Variants in NAALADL2 observed in about 807,000 individuals in gnomAD.
NAALADL2 encodes the protein inactive N-acetylated-alpha-linked acidic dipeptidase-like protein 2.
NAALADL2 carries 76 observed loss-of-function variants against 87.2 expected under a neutral mutation model. That is an observed-to-expected ratio of 0.87 (90% CI 0.72 to 1.05). The LOEUF (loss-of-function observed/expected upper bound fraction) is 1.05, where lower values mean the gene tolerates loss of function less well. NAALADL2 is among the 50% of genes least tolerant of loss of function. The pLI is 0.00. For synonymous variants in NAALADL2, 354 were observed against 331.0 expected (o/e 1.07, Z -0.75); for missense variants, 1,089 against 945.8 (o/e 1.15, Z -1.99).
chr3:175,025,459 C>T (rs1414506905), intron 1 of NAALADL2, among the ~76,000 whole-genome samples: 1 of 151,966 alleles, frequency 6.6e-6, no homozygotes, highest in African/African-American at 2.4e-5. Context: ...ATTTCCTTAT[C>T]AATGAAAGTT....
chr3:174,617,043 T>C (rs965554413), intron 2 of NAALADL2, among the ~76,000 whole-genome samples: 1 of 151,758 alleles, frequency 6.6e-6, no homozygotes, highest in African/African-American at 2.4e-5. Flanking sequence ...AATTTTTAAT[T>C]CACTTAGTTA....
At chr3:175,561,769 T>C (rs1172679944) in intron 9 of NAALADL2, among the ~76,000 whole-genome samples, 1 of 152,198 alleles carries the variant, frequency 6.6e-6, no homozygotes, top group East Asian at 1.9e-4. Context: ...AATACAGTCA[T>C]TTTGGGAATT....
At position 174,683,638 on chromosome 3, in the gene NAALADL2, GTGT is replaced by G. The variant is rs1347708579; in HGVS notation, c.-114-54002_-114-54000del. 4.8e-3 allele frequency among the ~76,000 whole-genome samples: 479 copies of G among 100,304 alleles called. 3 individuals carry two copies. Among genetic ancestry groups the G allele is most frequent in the African/African-American group, 0.04 (462 of 11,674 alleles). 65.8% of individuals were successfully genotyped at this position (100,304 alleles called of 152,430 possible). A position where few individuals can be genotyped will look rare whatever the true frequency, so the allele number is the denominator to read the frequency against. On this transcript the variant is annotated intron_variant, in intron 2 of 3. Transcript: ENST00000434257. ...AATTAACAGAACTTCTGGTGTGTGT[GTGT>G]GTGTGTGTGTGTGTGTGTGTGTGTG...
At chr3:175,216,668 C>CTTTTTTTT (rs3067029) in intron 2 of NAALADL2, among the ~76,000 whole-genome samples, 921 of 87,150 alleles carry the variant, frequency 0.011, 6 homozygotes, top group African/African-American at 0.022. Context: ...TTTTTCTTTT[C>CTTTTTTTT]TTTTTTTTTT....
chr3:175,345,483 G>A (rs1444335788), intron 5 of NAALADL2, among the ~76,000 whole-genome samples: 1 of 152,136 alleles, frequency 6.6e-6, no homozygotes, highest in East Asian at 1.9e-4. Flanking sequence ...CTTAGAGAAT[G>A]AGCGTGTGAT....
chr3:175,765,725 C>T (rs1748599212), intron 13 of NAALADL2, among the ~76,000 whole-genome samples: 1 of 152,022 alleles, frequency 6.6e-6, no homozygotes, highest in Admixed American at 6.6e-5. Flanking sequence ...CTTGATGATG[C>T]ATTGAATAAT....
intron 2 of NAALADL2, among the ~76,000 whole-genome samples, chr3:174,678,652 G>A (rs1343137642): frequency 1.3e-5 from 2 of 152,126 alleles, no homozygotes; most frequent in African/African-American, 2.4e-5. Flanking sequence ...TGTATGATAA[G>A]CCTGTGAAAA....
intron 1 of NAALADL2, among the ~76,000 whole-genome samples, chr3:174,500,681 A>G (rs1718823674): frequency 6.6e-6 from 1 of 152,018 alleles, no homozygotes; most frequent in African/African-American, 2.4e-5. Context: ...TCGTGAATGG[A>G]TATGGGATTT....
At chr3:174,855,298 AT>A (rs1342320980), upstream of NAALADL2, among the ~76,000 whole-genome samples, 1 of 152,068 alleles carries the variant, frequency 6.6e-6, no homozygotes, top group Non-Finnish European at 1.5e-5. Flanking sequence ...CGATAGGAAA[AT>A]TTTGGCTTCG....
At chr3:175,660,165 C>T (rs1427741560) in intron 11 of NAALADL2, among the ~76,000 whole-genome samples, 1 of 152,120 alleles carries the variant, frequency 6.6e-6, no homozygotes, top group African/African-American at 2.4e-5. Flanking sequence ...ACCCTCATGA[C>T]TCAATCACTT....
At chr3:174,849,500 G>C (rs1414749566) in intron 3 of NAALADL2, among the ~76,000 whole-genome samples, 1 of 151,982 alleles carries the variant, frequency 6.6e-6, no homozygotes, top group Non-Finnish European at 1.5e-5. Context: ...ACTTTGGGGG[G>C]CCGAGGCGGG....
At chr3:175,184,363 A>G (rs1054631144) in intron 2 of NAALADL2, among the ~76,000 whole-genome samples, 10 of 152,142 alleles carry the variant, frequency 6.6e-5, no homozygotes, top group African/African-American at 2.4e-4. Context: ...ACTAAGTTAA[A>G]TCTACAGATA....
At chr3:175,491,989 G>C (rs1471066728) in intron 9 of NAALADL2, among the ~76,000 whole-genome samples, 1 of 152,152 alleles carries the variant, frequency 6.6e-6, no homozygotes, top group Non-Finnish European at 1.5e-5. Flanking sequence ...CCATTGCTTA[G>C]AATGGGTCCA....
chr3:174,680,734 C>T (rs1345980620), intron 2 of NAALADL2, among the ~76,000 whole-genome samples: 1 of 152,108 alleles, frequency 6.6e-6, no homozygotes. Flanking sequence ...CTTAAAATTA[C>T]ATAGTGACAT....
chr3:174,675,484 G>A (rs2108812490), intron 2 of NAALADL2, among the ~76,000 whole-genome samples: 1 of 152,052 alleles, frequency 6.6e-6, no homozygotes, highest in East Asian at 1.9e-4. Context: ...TGGCAACATA[G>A]GCTTTGCTGC....
At chr3:174,836,250 T>C (rs1339283352) in intron 3 of NAALADL2, among the ~76,000 whole-genome samples, 3 of 152,188 alleles carry the variant, frequency 2.0e-5, no homozygotes, top group African/African-American at 7.2e-5. Context: ...ATAGCCACTG[T>C]ATGATTCCAC....
At chr3:174,624,623 CAAA>C (rs35352173) in intron 2 of NAALADL2, among the ~76,000 whole-genome samples, 6 of 140,000 alleles carry the variant, frequency 4.3e-5, no homozygotes, top group Non-Finnish European at 6.3e-5. Flanking sequence ...GACTCCATCT[CAAA>C]AAAAAAAAAA....
intron 1 of NAALADL2, among the ~76,000 whole-genome samples, chr3:175,028,248 A>G (rs1752433431): frequency 6.6e-6 from 1 of 152,064 alleles, no homozygotes; most frequent in African/African-American, 2.4e-5. Flanking sequence ...TTGCTCTGAA[A>G]CATGTACCCT....
chr3:174,788,013 A>G (rs1717015602), intron 3 of NAALADL2, among the ~76,000 whole-genome samples: 1 of 152,054 alleles, frequency 6.6e-6, no homozygotes, highest in African/African-American at 2.4e-5. Context: ...CAATAGATAG[A>G]TGAGTAGTTA....
Sources: allele counts gnomAD v4.1 joint callset (sites outside exome capture counted in the v4.1 genomes callset), GRCh38; gene constraint gnomAD v4.1.1; transcripts MANE v1.5; gene names NCBI Gene and HGNC (gene_info 2026-07-23, HGNC 2026-07-21).